Variants in ERBB4 observed in about 807,000 individuals in gnomAD.
ERBB4 encodes the protein erb-b2 receptor tyrosine kinase 4.
A neutral mutation model predicts 158.0 loss-of-function variants in ERBB4; 42 were observed. That is an observed-to-expected ratio of 0.27 (90% confidence interval 0.21 to 0.34). The LOEUF is 0.34. Among genes scored for constraint, ERBB4 ranks in the 10% least tolerant of loss-of-function variants. The pLI is 1.00. For missense variants in ERBB4, 1,333 were observed against 1,624.1 expected, an observed-to-expected ratio of 0.82 and a Z score of 3.08; for synonymous variants, 583 against 558.7, an observed-to-expected ratio of 1.04 and a Z score of -0.61.
chr2:211,875,050 A>AAAAAAAAAAAAAAAC (rs66500425), intron 3 of ERBB4, among the ~76,000 whole-genome samples: 36 of 75,864 alleles, frequency 4.7e-4, no homozygotes, highest in Middle Eastern at 6.4e-3. Context: ...AAAAAAAAAA[A>AAAAAAAAAAAAAAAC]CAAACTCAAA....
chr2:212,239,292 C>CA (rs2083996613), intron 1 of ERBB4, among the ~76,000 whole-genome samples: 1 of 152,180 alleles, frequency 6.6e-6, no homozygotes, highest in East Asian at 1.9e-4. Context: ...ATCCTCCTGT[C>CA]TCAGCATCCT....
At chr2:212,342,916 T>G (rs1271822781) in intron 1 of ERBB4, among the ~76,000 whole-genome samples, 1 of 152,166 alleles carries the variant, frequency 6.6e-6, no homozygotes, top group African/African-American at 2.4e-5. Flanking sequence ...CATCTTCCAT[T>G]TATGTGTTCT....
At chr2:211,422,772 C>T (rs1166735846) in intron 23 of ERBB4, among the ~76,000 whole-genome samples, 1 of 151,836 alleles carries the variant, frequency 6.6e-6, no homozygotes, top group African/African-American at 2.4e-5. Context: ...GTAAAATTCT[C>T]CATTAGGGAA....
At chr2:211,726,506 T>C (rs776439558) in intron 5 of ERBB4, among the ~76,000 whole-genome samples, 5 of 152,182 alleles carry the variant, frequency 3.3e-5, no homozygotes, top group Non-Finnish European at 7.4e-5. Context: ...GCACCATATA[T>C]CCAGTAGCTT....
At chr2:211,520,899 G>A (rs926636179) in intron 20 of ERBB4, among the ~76,000 whole-genome samples, 3 of 151,746 alleles carry the variant, frequency 2.0e-5, no homozygotes, top group African/African-American at 7.3e-5. Context: ...AGTTGTTTTG[G>A]AGCATCATGA....
chr2:211,755,589 C>G (rs1264994142), intron 4 of ERBB4, among the ~76,000 whole-genome samples: 1 of 152,226 alleles, frequency 6.6e-6, no homozygotes, highest in African/African-American at 2.4e-5. Flanking sequence ...CAAGCAATCC[C>G]TCTGCTTTCA....
chr2:212,176,946 T>C (rs1357255681), intron 1 of ERBB4, among the ~76,000 whole-genome samples: 1 of 151,930 alleles, frequency 6.6e-6, no homozygotes, highest in African/African-American at 2.4e-5. Flanking sequence ...AGCATATTCT[T>C]AAACTAAAAT....
At chr2:212,404,004 C>T (rs1401624371) in intron 1 of ERBB4, among the ~76,000 whole-genome samples, 1 of 152,000 alleles carries the variant, frequency 6.6e-6, no homozygotes, top group Non-Finnish European at 1.5e-5. Context: ...GCATTGTAGA[C>T]TGAACGTTTC....
intron 3 of ERBB4, among the ~76,000 whole-genome samples, chr2:211,855,687 C>T (rs1295109853): frequency 9.9e-5 from 15 of 152,124 alleles, no homozygotes; most frequent in Admixed American, 9.8e-4. Context: ...AATAGGCATA[C>T]TGTGTACTGT....
chr2:211,480,042 G>A (rs2065044682), intron 20 of ERBB4, among the ~76,000 whole-genome samples: 1 of 152,132 alleles, frequency 6.6e-6, no homozygotes, highest in South Asian at 2.1e-4. Context: ...TCTGCCAAAA[G>A]ACATCTAAAC....
At chr2:212,415,804 C>T (rs2091635364) in intron 1 of ERBB4, among the ~76,000 whole-genome samples, 1 of 151,960 alleles carries the variant, frequency 6.6e-6, no homozygotes, top group Admixed American at 6.6e-5. Flanking sequence ...AAATAATTTA[C>T]AAAGTGCTAG....
At chr2:211,904,500 A>C (rs2079324890) in intron 3 of ERBB4, among the ~76,000 whole-genome samples, 1 of 152,134 alleles carries the variant, frequency 6.6e-6, no homozygotes, top group Admixed American at 6.6e-5. Flanking sequence ...CTCATTTTAT[A>C]AAATACCATA....
intron 2 of ERBB4, among the ~76,000 whole-genome samples, chr2:211,957,261 A>G (rs1559185034): frequency 6.6e-6 from 1 of 152,110 alleles, no homozygotes; most frequent in East Asian, 1.9e-4. Context: ...ATCCAATATA[A>G]CCAGTGTTTT....
At chr2:211,986,328 C>G (rs997455713) in intron 2 of ERBB4, among the ~76,000 whole-genome samples, 10 of 152,144 alleles carry the variant, frequency 6.6e-5, no homozygotes, top group African/African-American at 2.2e-4. Flanking sequence ...AATGAATATA[C>G]TATCCAATCA....
intron 1 of ERBB4, among the ~76,000 whole-genome samples, chr2:212,451,816 A>G (rs1505371): frequency 0.16 from 24,019 of 152,148 alleles, 2,406 homozygotes; most frequent in Non-Finnish European, 0.22. Context: ...TTAAGCATAC[A>G]TTCCTTTCAT....
chr2:212,179,370 G>A (rs1415826457), intron 1 of ERBB4, among the ~76,000 whole-genome samples: 2 of 146,588 alleles, frequency 1.4e-5, no homozygotes, highest in African/African-American at 5.0e-5. Context: ...ACTATACTAA[G>A]CACTGAGAGT....
chr2:211,877,024 C>T (rs954044425), intron 3 of ERBB4, among the ~76,000 whole-genome samples: 1 of 152,166 alleles, frequency 6.6e-6, no homozygotes, highest in Non-Finnish European at 1.5e-5. Flanking sequence ...GTTCTTTCTT[C>T]CTTAATTACG....
intron 2 of ERBB4, among the ~76,000 whole-genome samples, chr2:211,949,051 G>C (rs773973456): frequency 6.6e-6 from 1 of 151,976 alleles, no homozygotes. Flanking sequence ...AGTCATCTTT[G>C]ACTCTCCTCT....
At chr2:212,172,751 G>A (rs2081556372) in intron 1 of ERBB4, among the ~76,000 whole-genome samples, 2 of 151,980 alleles carry the variant, frequency 1.3e-5, no homozygotes, top group African/African-American at 4.8e-5. Context: ...TGGACAAATG[G>A]GGGTGGAAAA....
Sources: gnomAD v4.1 joint callset for allele counts (sites outside exome capture counted in the v4.1 genomes callset) on GRCh38, gnomAD v4.1.1 for gene constraint, MANE v1.5 for transcripts, NCBI Gene and HGNC (gene_info 2026-07-23, HGNC 2026-07-21) for gene names.